SV2C: variants seen among roughly 807,000 people sequenced by gnomAD.
SV2C encodes solute carrier family 22 member B3.
In SV2C, 49 loss-of-function variants were observed where a neutral mutation model predicts 79.7. The observed-to-expected ratio is 0.61, with a 90% CI of 0.49 to 0.78. The LOEUF (loss-of-function observed/expected upper bound fraction) is 0.78. Among genes scored for constraint, SV2C ranks in the 30% least tolerant of loss-of-function variants. SV2C has a pLI of 0.00. For synonymous variants in SV2C, 334 were observed against 333.2 expected (o/e 1.00, Z -0.03); for missense variants, 833 against 912.9 (o/e 0.91, Z 1.13).
chr5:75,987,477 G>A, the SV2C span, among the ~76,000 whole-genome samples: 1 of 152,070 alleles, frequency 6.6e-6, no homozygotes, highest in Non-Finnish European at 1.5e-5. Flanking sequence ...AGAGCAGAGA[G>A]TTGGAAAGTA....
the SV2C span, among the ~76,000 whole-genome samples, chr5:76,047,689 G>GA: frequency 0.021 from 3,187 of 151,162 alleles, 45 homozygotes; most frequent in South Asian, 0.049. Flanking sequence ...GGTCTAGATA[G>GA]AAAAAATAAG....
chr5:76,205,659 T>G (rs767062205), intron 3 of SV2C, among the ~76,000 whole-genome samples: 7 of 152,204 alleles, frequency 4.6e-5, no homozygotes, highest in African/African-American at 7.2e-5. Flanking sequence ...CCACGTAAAC[T>G]GGATTTAAGG....
At chr5:76,138,900 C>A (rs548070197) in intron 2 of SV2C, among the ~76,000 whole-genome samples, 1 of 152,158 alleles carries the variant, frequency 6.6e-6, no homozygotes, top group Non-Finnish European at 1.5e-5. Flanking sequence ...AGGCAGATCA[C>A]GAAGTCAGGA....
the SV2C span, among the ~76,000 whole-genome samples, chr5:76,031,339 A>C: frequency 6.6e-6 from 1 of 152,236 alleles, no homozygotes; most frequent in Non-Finnish European, 1.5e-5. Context: ...GACCCTGCCA[A>C]TAATGGCATC....
At chr5:76,258,500 G>C (rs1258933936) in intron 4 of SV2C, among the ~76,000 whole-genome samples, 1 of 152,294 alleles carries the variant, frequency 6.6e-6, no homozygotes, top group Middle Eastern at 3.4e-3. Context: ...ACAGCAAGAA[G>C]AATGTTCAGA....
chr5:76,230,316 A>G (rs766171048), intron 4 of SV2C, among the ~76,000 whole-genome samples: 3 of 145,278 alleles, frequency 2.1e-5, no homozygotes, highest in Non-Finnish European at 4.4e-5. Context: ...ATAATTAACA[A>G]TGCAATTATT....
At chr5:76,181,922 A>G (rs1368401398) in intron 2 of SV2C, among the ~76,000 whole-genome samples, 1 of 152,084 alleles carries the variant, frequency 6.6e-6, no homozygotes, top group Non-Finnish European at 1.5e-5. Context: ...ATCCAGCCCA[A>G]TTATATTTCT....
At chr5:76,290,086 A>G in intron 6 of SV2C, among the ~76,000 whole-genome samples, 1 of 146,828 alleles carries the variant, frequency 6.8e-6, no homozygotes, top group Admixed American at 6.8e-5. Flanking sequence ...TGTAAAAAGA[A>G]AAGAAAAAAA....
chr5:76,250,755 C>G (rs568881766), intron 4 of SV2C, among the ~76,000 whole-genome samples: 1 of 152,154 alleles, frequency 6.6e-6, no homozygotes, highest in Non-Finnish European at 1.5e-5. Context: ...AAGCAGAAAA[C>G]GATATCATCA....
At chr5:75,924,386 G>A in the SV2C span, among the ~76,000 whole-genome samples, 1 of 151,996 alleles carries the variant, frequency 6.6e-6, no homozygotes, top group Non-Finnish European at 1.5e-5. Context: ...AAAACCATCT[G>A]TACCCCAAAA....
intron 2 of SV2C, among the ~76,000 whole-genome samples, chr5:76,133,013 A>G (rs1282095854): frequency 6.6e-6 from 1 of 152,036 alleles, no homozygotes; most frequent in South Asian, 2.1e-4. Flanking sequence ...TAACCTCTCT[A>G]TAAAATATCT....
chr5:76,077,458 A>G, the SV2C span, among the ~76,000 whole-genome samples: 1 of 152,224 alleles, frequency 6.6e-6, no homozygotes, highest in African/African-American at 2.4e-5. Flanking sequence ...CAAACAAACT[A>G]ATTTTTAAAA....
intron 2 of SV2C, among the ~76,000 whole-genome samples, chr5:76,187,383 C>T (rs754298496): frequency 1.6e-4 from 25 of 152,156 alleles, no homozygotes; most frequent in Non-Finnish European, 2.9e-4. Flanking sequence ...AGCACTATTG[C>T]TTGACATGGC....
chr5:75,996,511 T>G, the SV2C span, among the ~76,000 whole-genome samples: 3 of 152,198 alleles, frequency 2.0e-5, no homozygotes, highest in East Asian at 1.9e-4. Context: ...TTTTTTCCAA[T>G]TCTGTGAAGA....
chr5:75,979,848 G>T, the SV2C span, among the ~76,000 whole-genome samples: 670 of 152,196 alleles, frequency 4.4e-3, 5 homozygotes, highest in African/African-American at 0.016. Flanking sequence ...AAATCCCAAA[G>T]CTAGCAGAAG....
the SV2C span, among the ~76,000 whole-genome samples, chr5:75,891,636 C>T: frequency 1.3e-5 from 2 of 152,018 alleles, no homozygotes; most frequent in Non-Finnish European, 2.9e-5. Flanking sequence ...GCTGGAAAAA[C>T]TTGAGTTATA....
At chr5:76,231,376 A>G (rs184214231) in intron 4 of SV2C, among the ~76,000 whole-genome samples, 78 of 152,316 alleles carry the variant, frequency 5.1e-4, no homozygotes, top group Middle Eastern at 3.4e-3. Flanking sequence ...TTGTCAATTT[A>G]TGAAAAGATC....
chr5:76,014,165 GAAGGAAGA>G, the SV2C span, among the ~76,000 whole-genome samples: 1 of 108,480 alleles, frequency 9.2e-6, no homozygotes, highest in South Asian at 3.0e-4. Flanking sequence ...AAGAAGGAAG[GAAGGAAGA>G]AAGAAAGAAA....
In SV2C at chr5:76,188,761, CAAG is replaced by C. The variant is rs529687897; in HGVS notation, c.581-6157_581-6155del. Among the ~76,000 whole-genome samples, 229 of 150,374 alleles carry C rather than the reference CAAG, an allele frequency of 1.5e-3. 1 individual carries two copies. The highest frequency in any genetic ancestry group is 2.8e-3 in the Non-Finnish European group (192 of 67,694). ...ACAAAAAATAGCAAATTGTGGATAACAAGGAGATGTTACAGCCTACTTAGCATC... is the reference window on the plus strand; with the variant it reads ...ACAAAAAATAGCAAATTGTGGATAACGAGATGTTACAGCCTACTTAGCATC... On this transcript the variant is annotated intron_variant, in intron 2 of 12. Coordinates refer to ENST00000502798, the MANE Select transcript of SV2C (RefSeq NM_014979.4).
Sources: allele counts gnomAD v4.1 joint callset (sites outside exome capture counted in the v4.1 genomes callset), GRCh38; gene constraint gnomAD v4.1.1; transcripts MANE v1.5; gene names NCBI Gene and HGNC (gene_info 2026-07-23, HGNC 2026-07-21).